Variants in SSBP3 observed in about 807,000 individuals in gnomAD.
The protein encoded by SSBP3 is single-stranded DNA-binding protein 3.
In SSBP3, 5 loss-of-function variants were observed where a neutral mutation model predicts 69.6. The ratio of observed to expected loss-of-function variants is 0.07; its 90% CI spans 0.04 to 0.15. The LOEUF (loss-of-function observed/expected upper bound fraction) is 0.15, where lower values mean the gene tolerates loss of function less well. Among genes scored for constraint, SSBP3 ranks in the 10% least tolerant of loss-of-function variants. The probability of loss-of-function intolerance (pLI) is 1.00; values close to 1 mark genes in which losing one functional copy is unlikely to be tolerated. For synonymous variants in SSBP3, 196 were observed against 193.4 expected, an observed-to-expected ratio of 1.01 and a Z score of -0.11; for missense variants, 312 against 534.0, an observed-to-expected ratio of 0.58 and a Z score of 4.10.
At chr1:54,377,555 T>TC (rs1034252399) in intron 4 of SSBP3, among the ~76,000 whole-genome samples, 11 of 151,938 alleles carry the variant, frequency 7.2e-5, no homozygotes, top group African/African-American at 2.7e-4. Context: ...TCCCTACCCA[T>TC]CCCCCCAGCA....
At chr1:54,341,205 G>T (rs1339135051) in intron 4 of SSBP3, among the ~76,000 whole-genome samples, 2 of 152,188 alleles carry the variant, frequency 1.3e-5, no homozygotes, top group African/African-American at 4.8e-5. Context: ...AGTGCTTTCT[G>T]TTCTCTAGGC....
At chr1:54,289,944 T>A (rs1645574331) in intron 4 of SSBP3, among the ~76,000 whole-genome samples, 1 of 152,080 alleles carries the variant, frequency 6.6e-6, no homozygotes. Context: ...ACCCAGCTCA[T>A]GGTGTGGCTC....
intron 4 of SSBP3, among the ~76,000 whole-genome samples, chr1:54,293,308 C>T (rs566178225): frequency 6.6e-6 from 1 of 152,028 alleles, no homozygotes; most frequent in African/African-American, 2.4e-5. Flanking sequence ...CTGGGAGGAT[C>T]GGAGGCACGC....
chr1:54,236,765 A>C (rs1644502476), intron 14 of SSBP3: 1 of 152,238 alleles, frequency 6.6e-6, no homozygotes, highest in Non-Finnish European at 1.5e-5. Context: ...CTGTCTATAA[A>C]GTCAAAGATC....
intron 4 of SSBP3, among the ~76,000 whole-genome samples, chr1:54,344,868 CACA>C (rs898211588): frequency 4.3e-4 from 65 of 152,280 alleles, no homozygotes; most frequent in African/African-American, 1.5e-3. Context: ...AAGAAATTAA[CACA>C]ACAAGGTCTC....
intron 17 of SSBP3, 97 bp from the exon 18 acceptor site, chr1:54,227,257 G>A (rs1644303354): frequency 5.2e-6 from 4 of 768,104 alleles, no homozygotes; most frequent in African/African-American, 5.2e-5. Flanking sequence ...GCACAGAACT[G>A]AGCAGGGCTC....
intron 4 of SSBP3, among the ~76,000 whole-genome samples, chr1:54,347,365 C>G (rs887443387): frequency 2.0e-5 from 3 of 146,910 alleles, no homozygotes; most frequent in Admixed American, 6.7e-5. Flanking sequence ...AATTTGTCCC[C>G]TTTTTAAAAA....
At position 54,316,710 on chromosome 1, in the gene SSBP3, A is replaced by AAAT. The variant is rs931918752; in HGVS notation, c.277-35184_277-35183insATT. 5.7e-5 allele frequency among the ~76,000 whole-genome samples: 7 copies of AAAT among 122,770 alleles called. 1 individual carries two copies. Among genetic ancestry groups the AAAT allele is most frequent in the Non-Finnish European group, 9.6e-5 (6 of 62,518 alleles). The allele number at this position is 122,770 out of a possible 152,430, so 80.5% of individuals were successfully genotyped here. A position where few individuals can be genotyped will look rare whatever the true frequency, so the allele number is the denominator to read the frequency against. ...TAAATAAATAAATAAATAAATAAAT[A>AAAT]AAATAAAATAAAATAAAATAAAAAT... On this transcript the variant is annotated intron_variant, in intron 4 of 17. Coordinates refer to ENST00000610401, the Ensembl canonical transcript of SSBP3.
At chr1:54,392,277 T>A (rs1648554339) in intron 4 of SSBP3, among the ~76,000 whole-genome samples, 3 of 152,138 alleles carry the variant, frequency 2.0e-5, no homozygotes, top group Non-Finnish European at 2.9e-5. Flanking sequence ...CTAGTACAGA[T>A]CTGGAAACTG....
intron 4 of SSBP3, among the ~76,000 whole-genome samples, chr1:54,305,257 A>G (rs950022929): frequency 2.2e-4 from 34 of 152,346 alleles, no homozygotes; most frequent in African/African-American, 8.2e-4. Context: ...GTTTCTCAGC[A>G]CAGACCCAGG....
At chr1:54,261,330 T>C (rs1645014579) in intron 5 of SSBP3, among the ~76,000 whole-genome samples, 2 of 152,246 alleles carry the variant, frequency 1.3e-5, no homozygotes, top group African/African-American at 4.8e-5. Flanking sequence ...CCAGCCTGCA[T>C]TCTCAACAAG....
chr1:54,238,976 G>T, intron 14 of SSBP3, 153 bp downstream of exon 14: 4 of 448,632 alleles, frequency 8.9e-6, no homozygotes, highest in Non-Finnish European at 1.7e-5. Context: ...GAACTGAGTT[G>T]CCCAAGAGTT....
chr1:54,254,849 T>C (rs1405924355), intron 7 of SSBP3, among the ~76,000 whole-genome samples: 2 of 152,200 alleles, frequency 1.3e-5, no homozygotes, highest in Non-Finnish European at 2.9e-5. Flanking sequence ...TTCTTTTTTT[T>C]TGAGGCGGAG....
intron 1 of SSBP3, chr1:54,413,270 T>C (rs1650037964): frequency 6.6e-6 from 1 of 152,166 alleles, no homozygotes; most frequent in Non-Finnish European, 1.5e-5. Context: ...ATTTTATTAG[T>C]CAAACTATTG....
chr1:54,276,944 G>GGC (rs1342037147), intron 5 of SSBP3, among the ~76,000 whole-genome samples: 73 of 152,268 alleles, frequency 4.8e-4, no homozygotes, highest in African/African-American at 1.7e-3. Flanking sequence ...CAGCTTGGCA[G>GGC]ACAGGCCTCT....
chr1:54,363,586 A>G (rs1646983324), intron 4 of SSBP3, among the ~76,000 whole-genome samples: 2 of 152,162 alleles, frequency 1.3e-5, no homozygotes, highest in African/African-American at 4.8e-5. Context: ...TAGACTGAAA[A>G]ATAAGTTATA....
At chr1:54,286,135 G>A (rs975334617) in intron 4 of SSBP3, among the ~76,000 whole-genome samples, 10 of 151,976 alleles carry the variant, frequency 6.6e-5, no homozygotes, top group Non-Finnish European at 8.8e-5. Context: ...AAACACTACC[G>A]AGAGACCTGT....
intron 4 of SSBP3, among the ~76,000 whole-genome samples, chr1:54,362,917 A>C (rs1646972270): frequency 6.6e-6 from 1 of 152,002 alleles, no homozygotes; most frequent in Non-Finnish European, 1.5e-5. Context: ...CAGGAGTTGC[A>C]ATCTGACTGG....
At chr1:54,403,629 G>A (rs528569786) in intron 3 of SSBP3, among the ~76,000 whole-genome samples, 1 of 152,154 alleles carries the variant, frequency 6.6e-6, no homozygotes, top group South Asian at 2.1e-4. Flanking sequence ...TGTTCTAAGA[G>A]ACTTAAAACA....
Sources: allele counts gnomAD v4.1 joint callset (sites outside exome capture counted in the v4.1 genomes callset), GRCh38; gene constraint gnomAD v4.1.1; transcripts MANE v1.5; gene names NCBI Gene and HGNC (gene_info 2026-07-23, HGNC 2026-07-21).